Variants in CEP152 observed in about 807,000 individuals in gnomAD.
The protein encoded by CEP152 is centrosomal protein 152.
A neutral mutation model predicts 188.9 loss-of-function variants in CEP152; 132 were observed. The observed-to-expected ratio is 0.70, with a 90% CI of 0.61 to 0.81. The LOEUF (loss-of-function observed/expected upper bound fraction) is 0.81, where lower values mean the gene tolerates loss of function less well. Among genes scored for constraint, CEP152 ranks in the 30% least tolerant of loss-of-function variants. The pLI, the probability that CEP152 is intolerant of heterozygous loss-of-function variation, is 0.00. For missense variants in CEP152, 1,914 were observed against 1,969.8 expected, an observed-to-expected ratio of 0.97 and a Z score of 0.54; for synonymous variants, 649 against 666.6, an observed-to-expected ratio of 0.97 and a Z score of 0.41.
chr15:48,782,658 C>T (rs184463087), intron 10 of CEP152, among the ~76,000 whole-genome samples: 1 of 152,260 alleles, frequency 6.6e-6, no homozygotes, highest in East Asian at 1.9e-4. Flanking sequence ...TATCCAGCAT[C>T]CCCACCTCCA....
intron 8 of CEP152, 170 bp from the exon 9 acceptor site, chr15:48,789,171 G>C (rs1041968509): frequency 3.1e-5 from 20 of 653,788 alleles, no homozygotes; most frequent in Non-Finnish European, 5.4e-5. Flanking sequence ...AACAACCCTA[G>C]CTGGGACCCT....
chr15:48,781,465 C>A (rs1567012463), intron 11 of CEP152, 106 bp from the exon 12 acceptor site: 1 of 834,998 alleles, frequency 1.2e-6, no homozygotes, highest in East Asian at 2.6e-5. Context: ...GGCAAAAAAA[C>A]TTCTTCAAAT....
chr15:48,767,223 T>C (rs1895186601), intron 16 of CEP152, 31 bp from the exon 17 acceptor site: 1 of 1,613,794 alleles, frequency 6.2e-7, no homozygotes, highest in Non-Finnish European at 8.5e-7. Flanking sequence ...AACTAAATGA[T>C]TTAACCACAA....
chr15:48,770,370 G>A (rs1895444946), intron 13 of CEP152, among the ~76,000 whole-genome samples: 2 of 152,126 alleles, frequency 1.3e-5, no homozygotes, highest in African/African-American at 4.8e-5. Flanking sequence ...TCAAAGATGA[G>A]ATAGTTATTC....
At chr15:48,748,375 C>A (rs1566979711) in intron 22 of CEP152, 68 bp downstream of exon 22, 1 of 1,427,572 alleles carries the variant, frequency 7.0e-7, no homozygotes, top group South Asian at 1.6e-5. Context: ...ACTAAAATGT[C>A]ACATTTGAAC....
intron 9 of CEP152, among the ~76,000 whole-genome samples, chr15:48,786,323 T>C (rs1413756341): frequency 6.6e-6 from 1 of 151,628 alleles, no homozygotes; most frequent in Non-Finnish European, 1.5e-5. Flanking sequence ...CACTATGAGC[T>C]CCAAGAAGCC....
At chr15:48,736,089 AG>A (rs1892586699), downstream of CEP152, among the ~76,000 whole-genome samples, 1 of 152,222 alleles carries the variant, frequency 6.6e-6, no homozygotes, top group Non-Finnish European at 1.5e-5. Flanking sequence ...AACTGACTAA[AG>A]AAAAAATGGA....
At chr15:48,762,762 T>G (rs1894782999) in intron 17 of CEP152, 90 bp from the exon 18 acceptor site, 6 of 1,314,970 alleles carry the variant, frequency 4.6e-6, no homozygotes, top group Non-Finnish European at 6.4e-6. Context: ...CAACCACAGC[T>G]GTGTTTGAAA....
chr15:48,784,180 T>TA, intron 9 of CEP152, 60 bp from the exon 10 acceptor site: 1 of 1,491,840 alleles, frequency 6.7e-7, no homozygotes, highest in Admixed American at 1.9e-5. Flanking sequence ...AAGAGTAAAC[T>TA]AAAAATTATG....
rs766991465 is a variant in CEP152, at chr15:48,744,228, A to G, written c.3835+12T>C. On this transcript the variant is annotated intron_variant, in intron 24 of 26. Transcript: ENST00000380950. ...CCCAAGCCATCCTTAAAATCTTCAG[A>G]ATTAAACTTACATTTAATTTTTTTT... 2 of 1,613,594 alleles carry G rather than the reference A, an allele frequency of 1.2e-6. No individual in the cohort carries two copies. The highest frequency in any genetic ancestry group is 1.1e-5 in the South Asian group (1 of 90,986).
At chr15:48,768,778 T>A (rs971743279) in intron 14 of CEP152, among the ~76,000 whole-genome samples, 178 bp downstream of exon 14, 1 of 152,168 alleles carries the variant, frequency 6.6e-6, no homozygotes, top group Admixed American at 6.5e-5. Context: ...TACCTTCCAA[T>A]GAAACTACTA....
chr15:48,734,118 T>C (rs1266682916), downstream of CEP152, among the ~76,000 whole-genome samples: 2 of 151,922 alleles, frequency 1.3e-5, no homozygotes, highest in Non-Finnish European at 2.9e-5. Context: ...GAACTATAAA[T>C]ATACATTTCT....
intron 2 of CEP152, among the ~76,000 whole-genome samples, chr15:48,801,729 G>A (rs1417488760): frequency 6.6e-6 from 1 of 152,130 alleles, no homozygotes; most frequent in Non-Finnish European, 1.5e-5. Context: ...AGTCCAAAAT[G>A]GCAATCTTGT....
intron 18 of CEP152, among the ~76,000 whole-genome samples, chr15:48,761,665 G>A (rs1476337449): frequency 6.6e-6 from 1 of 152,140 alleles, no homozygotes; most frequent in Non-Finnish European, 1.5e-5. Flanking sequence ...TTTTCCAATA[G>A]TGTAAATATA....
At chr15:48,809,735 T>C (rs1898207821) in intron 1 of CEP152, among the ~76,000 whole-genome samples, 1 of 152,228 alleles carries the variant, frequency 6.6e-6, no homozygotes, top group African/African-American at 2.4e-5. Context: ...GTAAAGTAAT[T>C]AGCACTATGT....
intron 17 of CEP152, among the ~76,000 whole-genome samples, chr15:48,764,993 A>T (rs1257626491): frequency 7.4e-6 from 1 of 136,024 alleles, no homozygotes; most frequent in African/African-American, 2.7e-5. Context: ...CATTTCCTTT[A>T]AAAAAAAAAA....
chr15:48,734,360 C>T (rs543005902), downstream of CEP152, among the ~76,000 whole-genome samples: 62 of 149,752 alleles, frequency 4.1e-4, no homozygotes, highest in Non-Finnish European at 7.7e-4. Context: ...AGTTAAGATA[C>T]CTATGATAAG....
chr15:48,761,653 G>C (rs1288426504), intron 18 of CEP152, among the ~76,000 whole-genome samples: 1 of 152,126 alleles, frequency 6.6e-6, no homozygotes, highest in Non-Finnish European at 1.5e-5. Context: ...AAATTTCTCA[G>C]ATTTTCCAAT....
Position 48,756,053 on chromosome 15 carries a change from A to G in CEP152, c.3195T>C (p.Ser1065=). 6.2e-7 allele frequency: 1 copy of G among 1,614,126 alleles called. No individual in the cohort carries two copies. The highest frequency in any genetic ancestry group is 1.3e-5 in the African/African-American group (1 of 75,038). The change falls in exon 20 of 27, where the codon TCT becomes TCC. Residue 1065 remains serine (S), a synonymous_variant. Coordinates refer to ENST00000380950, the MANE Select transcript of CEP152 (RefSeq NM_001194998.2). ...TGATTTCCAAAAGCTGCTTGTCCTC[A>G]GAATCACTGATGTGCTCCTTTTGGG... ...SDTQKEHISD[S]EDKQLLEIMS... is the part of the protein sequence containing the mutation.
Sources: allele counts gnomAD v4.1 joint callset (sites outside exome capture counted in the v4.1 genomes callset), GRCh38; gene constraint gnomAD v4.1.1; transcripts MANE v1.5; gene names NCBI Gene and HGNC (gene_info 2026-07-23, HGNC 2026-07-21).